LRP1B: variants seen among roughly 807,000 people sequenced by gnomAD.
The protein encoded by LRP1B is low-density lipoprotein receptor-related protein 1B.
LRP1B carries 217 observed loss-of-function variants against 556.6 expected under a neutral mutation model. The observed-to-expected ratio is 0.39, with a 90% CI of 0.35 to 0.44. The LOEUF is 0.44. Among genes scored for constraint, LRP1B ranks in the 20% least tolerant of loss-of-function variants. LRP1B has a pLI of 1.00. For synonymous variants in LRP1B, 2,047 were observed against 1,865.8 expected (o/e 1.10, Z -2.50); for missense variants, 5,053 against 5,620.8 (o/e 0.90, Z 3.23).
rs1038398137 is a variant in LRP1B, at chr2:141,022,511, T to G, written c.1790-2409A>C. Among the ~76,000 whole-genome samples, 5 of 152,044 alleles carry G rather than the reference T, an allele frequency of 3.3e-5. No individual in the cohort carries two copies. In the East Asian group the frequency reaches 9.7e-4, roughly 29 times the overall value. On this transcript the variant is annotated intron_variant, in intron 11 of 90. Transcript: ENST00000389484. ...CATTCTGCTTCCACATTATTTGGTC[T>G]CTGCTTTAAATTAACTTATAAATTA...
At chr2:141,358,243 T>C (rs191357012) in intron 3 of LRP1B, among the ~76,000 whole-genome samples, 3 of 152,264 alleles carry the variant, frequency 2.0e-5, no homozygotes, top group Non-Finnish European at 2.9e-5. Flanking sequence ...GAAATCACAA[T>C]CAGGAAAGGT....
chr2:142,095,028 T>C (rs1414294170), intron 1 of LRP1B, among the ~76,000 whole-genome samples: 3 of 151,832 alleles, frequency 2.0e-5, no homozygotes, highest in East Asian at 3.9e-4. Context: ...AGCCAAACTT[T>C]AGGTACTGTG....
At chr2:140,749,916 G>A (rs561251789) in intron 35 of LRP1B, among the ~76,000 whole-genome samples, 1 of 152,210 alleles carries the variant, frequency 6.6e-6, no homozygotes, top group East Asian at 1.9e-4. Context: ...CCACAAATAT[G>A]TGAGTAATGT....
At chr2:140,304,174 C>CA (rs1275322621) in intron 83 of LRP1B, among the ~76,000 whole-genome samples, 2 of 152,132 alleles carry the variant, frequency 1.3e-5, no homozygotes, top group Admixed American at 1.3e-4. Context: ...GGTATATACC[C>CA]AGTAATGGGA....
intron 22 of LRP1B, among the ~76,000 whole-genome samples, chr2:140,906,119 C>T (rs975199085): frequency 1.6e-4 from 25 of 152,148 alleles, no homozygotes; most frequent in African/African-American, 4.8e-4. Context: ...TGAAAGAGTG[C>T]GGTGTGTAGT....
intron 2 of LRP1B, among the ~76,000 whole-genome samples, chr2:141,583,793 G>C (rs999983725): frequency 6.6e-6 from 1 of 151,996 alleles, no homozygotes; most frequent in African/African-American, 2.4e-5. Context: ...AGGCTGGAGT[G>C]CCGTGGCACT....
chr2:140,343,813 G>T (rs1681517554), intron 77 of LRP1B, among the ~76,000 whole-genome samples: 1 of 151,698 alleles, frequency 6.6e-6, no homozygotes, highest in African/African-American at 2.4e-5. Flanking sequence ...TGTGCTGGGT[G>T]AAAGGGGACA....
intron 77 of LRP1B, among the ~76,000 whole-genome samples, chr2:140,344,868 C>G (rs1338904602): frequency 2.0e-5 from 3 of 151,342 alleles, no homozygotes; most frequent in African/African-American, 7.3e-5. Flanking sequence ...GGGTGAAGAA[C>G]AGGAGCAAGC....
intron 2 of LRP1B, among the ~76,000 whole-genome samples, chr2:141,633,552 C>T (rs1020426004): frequency 1.3e-5 from 2 of 151,972 alleles, no homozygotes; most frequent in Non-Finnish European, 2.9e-5. Context: ...TCTACCAATA[C>T]GACTTCAGAA....
chr2:140,338,581 T>A (rs890624243), intron 77 of LRP1B, among the ~76,000 whole-genome samples: 6 of 151,682 alleles, frequency 4.0e-5, no homozygotes, highest in Non-Finnish European at 5.9e-5. Context: ...GTATTAACCA[T>A]ATAAAAGGGA....
At chr2:141,519,154 A>G (rs1163338034) in intron 2 of LRP1B, among the ~76,000 whole-genome samples, 1 of 151,844 alleles carries the variant, frequency 6.6e-6, no homozygotes, top group Non-Finnish European at 1.5e-5. Flanking sequence ...TGTCAAGACT[A>G]TTTCTTTTAC....
intron 12 of LRP1B, among the ~76,000 whole-genome samples, chr2:141,016,546 G>A (rs577228650): frequency 1.4e-4 from 21 of 152,040 alleles, no homozygotes; most frequent in Non-Finnish European, 2.4e-4. Context: ...TTAGCTGCAC[G>A]TAAGTTTAGT....
chr2:140,462,982 G>A (rs1489552996), intron 60 of LRP1B, among the ~76,000 whole-genome samples: 2 of 152,022 alleles, frequency 1.3e-5, no homozygotes, highest in Non-Finnish European at 2.9e-5. Flanking sequence ...AGAAGATAGG[G>A]CATGACTTAA....
intron 27 of LRP1B, among the ~76,000 whole-genome samples, chr2:140,863,500 T>C (rs1368738118): frequency 6.6e-6 from 1 of 152,206 alleles, no homozygotes; most frequent in Non-Finnish European, 1.5e-5. Flanking sequence ...TTAACATCAT[T>C]GGAACCATTT....
At chr2:140,317,179 A>G (rs1558795840) in intron 82 of LRP1B, among the ~76,000 whole-genome samples, 1 of 152,124 alleles carries the variant, frequency 6.6e-6, no homozygotes, top group Non-Finnish European at 1.5e-5. Context: ...AGAAGCAGTA[A>G]GAGAAGATCC....
Position 141,266,388 on chromosome 2 carries a change from T to C in LRP1B, c.344-11747A>G, listed in dbSNP as rs190877704. Among the ~76,000 whole-genome samples, 305 of 152,088 alleles carry C rather than the reference T, an allele frequency of 2.0e-3. 1 individual carries two copies. Among genetic ancestry groups the C allele is most frequent in the Admixed American group, 3.5e-3 (54 of 15,256 alleles). On this transcript the variant is annotated intron_variant, in intron 3 of 90. Transcript: ENST00000389484. ...TTTTCTCCATGCTCATGTTCCCTTC[T>C]TCTTGTCTGGAAATTTCAATTTACT...
chr2:141,009,382 A>T (rs1160239727), intron 14 of LRP1B, among the ~76,000 whole-genome samples: 1 of 151,930 alleles, frequency 6.6e-6, no homozygotes, highest in African/African-American at 2.4e-5. Flanking sequence ...TGAAGAAAGG[A>T]TAAAATGCTT....
intron 1 of LRP1B, among the ~76,000 whole-genome samples, chr2:141,831,349 ATTC>A (rs1229622563): frequency 2.0e-5 from 3 of 151,572 alleles, no homozygotes; most frequent in African/African-American, 7.2e-5. Context: ...TGTTTAGATC[ATTC>A]TTCTCTCATT....
At chr2:141,759,297 C>T (rs1421744983) in intron 2 of LRP1B, among the ~76,000 whole-genome samples, 1 of 151,906 alleles carries the variant, frequency 6.6e-6, no homozygotes, top group Admixed American at 6.6e-5. Flanking sequence ...ACTCATTTGC[C>T]CTGATAGAAG....
Sources: allele counts gnomAD v4.1 joint callset (sites outside exome capture counted in the v4.1 genomes callset), GRCh38; gene constraint gnomAD v4.1.1; transcripts MANE v1.5; gene names NCBI Gene and HGNC (gene_info 2026-07-23, HGNC 2026-07-21).